The following COPS7A variants were observed in gnomAD, a reference collection of about 807,000 sequenced individuals.
COPS7A encodes COP9 signalosome complex subunit 7a.
A neutral mutation model predicts 35.2 loss-of-function variants in COPS7A; 20 were observed. That is an observed-to-expected ratio of 0.57 (90% CI 0.40 to 0.83). The LOEUF (loss-of-function observed/expected upper bound fraction) is 0.83. COPS7A is among the 40% of genes least tolerant of loss of function. The probability of loss-of-function intolerance (pLI) is 0.00; values close to 1 mark genes in which losing one functional copy is unlikely to be tolerated. For missense variants in COPS7A, 247 were observed against 347.5 expected, an observed-to-expected ratio of 0.71 and a Z score of 2.30; for synonymous variants, 139 against 141.4, an observed-to-expected ratio of 0.98 and a Z score of 0.12.
In COPS7A at chr12:6,729,654, T is replaced by C. The variant is rs768939782; in HGVS notation, c.530+205T>C. Among the ~76,000 whole-genome samples the C allele has an allele frequency of 1.3e-5, 2 of 152,116 alleles. No individual in the cohort carries two copies. The highest frequency in any genetic ancestry group is 6.6e-5 in the Admixed American group (1 of 15,264). ...GCGGCAGAAGTCAGTGTCCTTGATA[T>C]AGTAGTTGGGGGAGGAAAAGGGAGT... On this transcript the variant is annotated intron_variant, in intron 5 of 7. Coordinates refer to ENST00000543155, the MANE Select transcript of COPS7A (RefSeq NM_001164094.2). The surrounding 1 kb of genome is among the most constrained non-coding windows in gnomAD (Gnocchi z 4.2).
At position 6,730,522 on chromosome 12, in the gene COPS7A, G is replaced by T. The variant is rs1368350068; in HGVS notation, c.636+15G>T. 2.5e-6 allele frequency: 4 copies of T among 1,613,642 alleles called. No homozygotes were observed. Among genetic ancestry groups the T allele is most frequent in the Non-Finnish European group, 3.4e-6 (4 of 1,179,766 alleles). Reference sequence around the variant, plus strand: ...TTGAGAGTGAGGTGAGCAGTCAGGGGAGCAGGCAGACCCAAACTCCTCCAG... The same window carrying T: ...TTGAGAGTGAGGTGAGCAGTCAGGGTAGCAGGCAGACCCAAACTCCTCCAG... On this transcript the variant is annotated intron_variant, in intron 6 of 7. Coordinates refer to ENST00000543155, the MANE Select transcript of COPS7A (RefSeq NM_001164094.2).
In COPS7A at chr12:6,729,467, G is replaced by T. The variant is rs375320859; in HGVS notation, c.530+18G>T. 9 of 1,610,018 alleles carry T rather than the reference G, an allele frequency of 5.6e-6. No homozygotes were observed. Among genetic ancestry groups the T allele is most frequent in the Non-Finnish European group, 5.9e-6 (7 of 1,179,230 alleles). On this transcript the variant is annotated intron_variant, in intron 5 of 7. Transcript: ENST00000543155. This position sits in a 1 kb window ranked among gnomAD's most constrained non-coding sequence, Gnocchi z 4.2. ...CAGGAATGGTGAGAACCGTATCCTG[G>T]CACTGTCCCCTTCTCACCCTGAGAA... is the stretch of plus-strand genomic sequence containing the variant.
At chr12:6,730,547 G>T in intron 6 of COPS7A, 40 bp downstream of exon 6, 1 of 1,612,420 alleles carries the variant, frequency 6.2e-7, no homozygotes, top group Non-Finnish European at 8.5e-7. Context: ...AACTCCTCCA[G>T]CCTGGGCGAC....
intron 3 of COPS7A, 77 bp downstream of exon 3, chr12:6,728,078 C>G (rs1373189495): frequency 1.3e-6 from 2 of 1,522,102 alleles, no homozygotes; most frequent in East Asian, 2.3e-5. Flanking sequence ...GAAGAAATTC[C>G]TGGGATATCC....
chr12:6,727,552 C>G (rs1394763462), intron 2 of COPS7A: 1 of 419,198 alleles, frequency 2.4e-6, no homozygotes, highest in African/African-American at 2.0e-5. Flanking sequence ...TGGAGACTGT[C>G]TAGACATATT....
At position 6,724,616 on chromosome 12, in the gene COPS7A, C is replaced by CCT. The variant is rs1319262676; in HGVS notation, c.-41_-40insCT. The CCT allele has an allele frequency of 6.2e-7, 1 of 1,613,424 alleles. No homozygotes were observed. ...CTTCACATCCTCTTTCCTTGCAGCTCTGGACATCCTGAGCCCAAGTCCCCC... is the reference window on the plus strand; with the variant it reads ...CTTCACATCCTCTTTCCTTGCAGCTCCTTGGACATCCTGAGCCCAAGTCCCCC... On this transcript the variant is annotated 5_prime_UTR_variant, in exon 2 of 8. Coordinates refer to ENST00000543155, the MANE Select transcript of COPS7A (RefSeq NM_001164094.2).
At position 6,731,253 on chromosome 12, in the gene COPS7A, C is replaced by A. The variant is rs202194921; in HGVS notation, c.*214C>A. Reference sequence around the variant, plus strand: ...TGGTACTTTCTGTTTTTTGTGACTTCATGTGTTCCATTGCTCCCCGCTGCC... The same window carrying A: ...TGGTACTTTCTGTTTTTTGTGACTTAATGTGTTCCATTGCTCCCCGCTGCC... On this transcript the variant is annotated 3_prime_UTR_variant, in exon 8 of 8. Transcript: ENST00000543155. 38 of 1,454,734 alleles carry A rather than the reference C, an allele frequency of 2.6e-5. No individual in the cohort carries two copies. In the East Asian group the frequency reaches 9.5e-4, roughly 36 times the overall value. 90.1% of individuals were successfully genotyped at this position (1,454,734 alleles called of 1,614,324 possible).
rs1941390527 is a variant in COPS7A, at chr12:6,731,279, A to G, written c.*240A>G. 3 of 1,438,632 alleles carry G rather than the reference A, an allele frequency of 2.1e-6. No individual in the cohort carries two copies. The highest frequency in any genetic ancestry group is 2.7e-6 in the Non-Finnish European group (3 of 1,099,056). The allele number at this position is 1,438,632 out of a possible 1,614,324, so 89.1% of individuals were successfully genotyped here. ...ATGTGTTCCATTGCTCCCCGCTGCCATGCTCTCTCCCTTGTTTCCTTAAGA... is the reference window on the plus strand; with the variant it reads ...ATGTGTTCCATTGCTCCCCGCTGCCGTGCTCTCTCCCTTGTTTCCTTAAGA... On this transcript the variant is annotated 3_prime_UTR_variant, in exon 8 of 8. Coordinates refer to ENST00000543155, the MANE Select transcript of COPS7A (RefSeq NM_001164094.2).
chr12:6,728,528 ATCT>A lies in COPS7A; in HGVS notation c.327+221_327+223del, dbSNP rs1195541172. On this transcript the variant is annotated intron_variant, in intron 4 of 7. Transcript: ENST00000543155. ...TAATCAACTTAAGTTCTAAATAAAC[ATCT>A]TCTGTGGTTTTGGTCAAAATAGCAA... is the stretch of plus-strand genomic sequence containing the variant. 3.9e-5 allele frequency among the ~76,000 whole-genome samples: 6 copies of A among 152,316 alleles called. 1 individual carries two copies. Among genetic ancestry groups the A allele is most frequent in the South Asian group, 4.1e-4 (2 of 4,824 alleles).
chr12:6,729,509 G>C lies in COPS7A; in HGVS notation c.530+60G>C. 1 of 1,538,480 alleles carries C rather than the reference G, an allele frequency of 6.5e-7. No individual in the cohort carries two copies. Among genetic ancestry groups the C allele is most frequent in the Admixed American group, 1.8e-5 (1 of 55,202 alleles). On this transcript the variant is annotated intron_variant, in intron 5 of 7. Coordinates refer to ENST00000543155, the MANE Select transcript of COPS7A (RefSeq NM_001164094.2). The surrounding 1 kb of genome is among the most constrained non-coding windows in gnomAD (Gnocchi z 4.2). ...CCCTGAGAAAGAGAAAGGCGCTTCA[G>C]GGTGAGAGAGGGCAGGAGCTGGGCT...
rs993103397 is a variant in COPS7A, at chr12:6,729,032, G to A, written c.328-215G>A. 1.1e-5 allele frequency: 6 copies of A among 567,676 alleles called. No homozygotes were observed. Among genetic ancestry groups the A allele is most frequent in the Admixed American group, 6.1e-5 (2 of 32,786 alleles). The allele number at this position is 567,676 out of a possible 1,614,324, so 35.2% of individuals were successfully genotyped here. A position where few individuals can be genotyped will look rare whatever the true frequency, so the allele number is the denominator to read the frequency against. Reference sequence around the variant, plus strand: ...GGTGAGGGTGTTAGGGGAGCATTTTGTATTTTATTTAAGATTGTCCTTCTA... The same window carrying A: ...GGTGAGGGTGTTAGGGGAGCATTTTATATTTTATTTAAGATTGTCCTTCTA... On this transcript the variant is annotated intron_variant, in intron 4 of 7. Coordinates refer to ENST00000543155, the MANE Select transcript of COPS7A (RefSeq NM_001164094.2). This position sits in a 1 kb window ranked among gnomAD's most constrained non-coding sequence, Gnocchi z 4.2.
At chr12:6,724,852 C>T in intron 2 of COPS7A, 34 bp downstream of exon 2, 1 of 1,607,656 alleles carries the variant, frequency 6.2e-7, no homozygotes. Context: ...CTCAGAGAAG[C>T]GTGGGCAAAG....
chr12:6,731,390 A>T lies in COPS7A; in HGVS notation c.*351A>T. On this transcript the variant is annotated 3_prime_UTR_variant, in exon 8 of 8. Coordinates refer to ENST00000543155, the MANE Select transcript of COPS7A (RefSeq NM_001164094.2). Reference sequence around the variant, plus strand: ...TCGCTCTGTCTGGAGCATAACCCACAGGCGTTTTTTCTGCCACCCCATCCC... The same window carrying T: ...TCGCTCTGTCTGGAGCATAACCCACTGGCGTTTTTTCTGCCACCCCATCCC... 1 of 1,265,570 alleles carries T rather than the reference A, an allele frequency of 7.9e-7. No individual in the cohort carries two copies. The highest frequency in any genetic ancestry group is 1.0e-6 in the Non-Finnish European group (1 of 985,112). The allele number at this position is 1,265,570 out of a possible 1,614,324, so 78.4% of individuals were successfully genotyped here. A position where few individuals can be genotyped will look rare whatever the true frequency, so the allele number is the denominator to read the frequency against.
intron 2 of COPS7A, 94 bp downstream of exon 2, chr12:6,724,912 CA>C: frequency 7.5e-7 from 1 of 1,333,150 alleles, no homozygotes; most frequent in Non-Finnish European, 1.0e-6. Flanking sequence ...ATCCAATAAC[CA>C]TTCAGTTGAA....
chr12:6,728,189 T>C (rs1462437737), intron 3 of COPS7A, 34 bp from the exon 4 acceptor site: 2 of 1,601,588 alleles, frequency 1.2e-6, no homozygotes, highest in Non-Finnish European at 1.7e-6. Context: ...AAAACTGAAA[T>C]CAGGATTCCT....
Position 6,731,178 on chromosome 12 carries a change from A to G in COPS7A, c.*139A>G, listed in dbSNP as rs1229668081. The G allele has an allele frequency of 5.8e-6, 9 of 1,562,186 alleles. No homozygotes were observed. In the Admixed American group the frequency reaches 1.3e-4, roughly 23 times the overall value. ...CCCTTCACCTCCCCTAACCCCAAAC[A>G]TAGATCACACCTTCTCTAGGGAGGA... On this transcript the variant is annotated 3_prime_UTR_variant, in exon 8 of 8. Coordinates refer to ENST00000543155, the MANE Select transcript of COPS7A (RefSeq NM_001164094.2).
chr12:6,730,173 C>T (rs1157194310), intron 5 of COPS7A, among the ~76,000 whole-genome samples: 1 of 152,246 alleles, frequency 6.6e-6, no homozygotes, highest in Non-Finnish European at 1.5e-5. Context: ...CGTGTCACCA[C>T]ATCCAGCTAG....
intron 4 of COPS7A, 45 bp downstream of exon 4, chr12:6,728,356 T>C: frequency 1.3e-6 from 2 of 1,557,694 alleles, no homozygotes; most frequent in Non-Finnish European, 1.8e-6. Flanking sequence ...CATCCTTTTG[T>C]ATGTCCTTGG....
At chr12:6,724,366 C>T (rs771074274) in intron 1 of COPS7A, 187 bp downstream of exon 1, 7 of 518,224 alleles carry the variant, frequency 1.4e-5, no homozygotes, top group South Asian at 8.0e-5. Context: ...TCCTTTGCAT[C>T]CTGTGTCTTG....
Sources: allele counts gnomAD v4.1 joint callset (sites outside exome capture counted in the v4.1 genomes callset), GRCh38; gene constraint gnomAD v4.1.1; non-coding constraint Gnocchi (gnomAD v3.1); transcripts MANE v1.5; gene names NCBI Gene and HGNC (gene_info 2026-07-23, HGNC 2026-07-21).